The following SEMA4B variants were observed in gnomAD, a reference collection of about 807,000 sequenced individuals.
The protein encoded by SEMA4B is semaphorin 4B.
SEMA4B carries 55 observed loss-of-function variants against 88.1 expected under a neutral mutation model. The ratio of observed to expected loss-of-function variants is 0.62; its 90% CI spans 0.50 to 0.78. The LOEUF (loss-of-function observed/expected upper bound fraction) is 0.78, where lower values mean the gene tolerates loss of function less well. SEMA4B is among the 30% of genes least tolerant of loss of function. The pLI is 0.00. For synonymous variants in SEMA4B, 525 were observed against 473.6 expected (o/e 1.11, Z -1.41); for missense variants, 1,062 against 1,111.9 (o/e 0.96, Z 0.64).
At chr15:90,200,783 A>T (rs1763230403), upstream of SEMA4B, among the ~76,000 whole-genome samples, 1 of 152,210 alleles carries the variant, frequency 6.6e-6, no homozygotes, top group African/African-American at 2.4e-5. Context: ...TTAAGCGGAC[A>T]AGCCCGCAGG....
At chr15:90,220,561 G>A (rs548180419) in intron 4 of SEMA4B, among the ~76,000 whole-genome samples, 6 of 151,488 alleles carry the variant, frequency 4.0e-5, no homozygotes, top group Non-Finnish European at 7.4e-5. Context: ...GTAGAGAGGG[G>A]GGTTTCACCG....
rs191264512 is a variant in SEMA4B, at chr15:90,220,702, C to T, written c.484-280C>T. On this transcript the variant is annotated intron_variant, in intron 4 of 13. Transcript: ENST00000411539. ...ATCATTTTCTAAGCCTCACCTCCTC[C>T]GCCAGGTGGGTCTGATAATGTGTCC... is the stretch of plus-strand genomic sequence containing the variant. Among the ~76,000 whole-genome samples the T allele has an allele frequency of 4.0e-5, 6 of 151,568 alleles. No homozygotes were observed. The East Asian group carries it at 5.9e-4, about 15-fold the overall frequency.
intron 1 of SEMA4B, among the ~76,000 whole-genome samples, chr15:90,194,257 C>T (rs1015235347): frequency 1.3e-5 from 2 of 151,884 alleles, no homozygotes; most frequent in Admixed American, 1.3e-4. Context: ...TCAGGCCAGG[C>T]GTGGTGGCTC....
chr15:90,207,158 T>G (rs1961033062), intron 1 of SEMA4B, among the ~76,000 whole-genome samples: 2 of 152,144 alleles, frequency 1.3e-5, no homozygotes, highest in South Asian at 4.1e-4. Context: ...AGGTGGAGTG[T>G]TCTGTCCAGC....
chr15:90,185,268 C>T (rs1316581604), intron 1 of SEMA4B, among the ~76,000 whole-genome samples: 1 of 152,232 alleles, frequency 6.6e-6, no homozygotes, highest in East Asian at 1.9e-4. Flanking sequence ...AGCCTGTTGC[C>T]ATGGCAGCGC....
In SEMA4B at chr15:90,217,582, C is replaced by T. The variant is rs765072889; in HGVS notation, c.301C>T (p.Pro101Ser). Residue 101 changes from proline to serine, a missense_variant, in exon 2 of 14, where the codon CCA becomes TCA. Pro to Ser is a moderately conservative substitution (Grantham distance 74, BLOSUM62 -1). Transcript: ENST00000411539. ...ACTCAGTAGCAACCTCAGCTTCCTG[C>T]CAGGCGGGGAGTACCAGGAGGTGAG... ...FALSSNLSFL[P>S]GGEYQELLWG... is the part of the protein sequence containing the mutation. 6.2e-7 allele frequency: 1 copy of T among 1,613,768 alleles called. No individual in the cohort carries two copies. Among genetic ancestry groups the T allele is most frequent in the Non-Finnish European group, 8.5e-7 (1 of 1,179,768 alleles).
At chr15:90,194,973 T>C (rs151064842) in intron 1 of SEMA4B, among the ~76,000 whole-genome samples, 167 of 151,392 alleles carry the variant, frequency 1.1e-3, no homozygotes, top group South Asian at 1.9e-3. Context: ...TTATCATAGC[T>C]AAAAAAATGA....
At chr15:90,214,864 T>A in intron 1 of SEMA4B, 1 of 685,340 alleles carries the variant, frequency 1.5e-6, no homozygotes, top group Admixed American at 3.7e-5. Flanking sequence ...TTGGGTTTTC[T>A]CTGCTCCTGA....
intron 1 of SEMA4B, chr15:90,185,199 C>T: frequency 3.8e-6 from 2 of 523,308 alleles, no homozygotes; most frequent in Non-Finnish European, 4.9e-6. Context: ...CGCCCGGCCC[C>T]TCTCCCCAGA....
chr15:90,188,734 C>G (rs2151581714), intron 1 of SEMA4B, among the ~76,000 whole-genome samples: 1 of 152,216 alleles, frequency 6.6e-6, no homozygotes, highest in East Asian at 1.9e-4. Flanking sequence ...GTGGCGCTAT[C>G]TCGGCTCACT....
intron 1 of SEMA4B, among the ~76,000 whole-genome samples, chr15:90,189,608 G>A (rs1960285415): frequency 6.6e-6 from 1 of 152,098 alleles, no homozygotes; most frequent in African/African-American, 2.4e-5. Context: ...AATATTTCAT[G>A]TCAAGGTTAT....
chr15:90,199,437 G>C (rs1960621475), upstream of SEMA4B, among the ~76,000 whole-genome samples: 1 of 152,150 alleles, frequency 6.6e-6, no homozygotes, highest in African/African-American at 2.4e-5. Flanking sequence ...AATGGGGAAG[G>C]CTGTAGGTGG....
chr15:90,207,050 C>A, intron 1 of SEMA4B: 1 of 346,432 alleles, frequency 2.9e-6, no homozygotes, highest in Non-Finnish European at 5.4e-6. Flanking sequence ...ACCATCGACC[C>A]TCTTCTGGGC....
At chr15:90,195,791 G>A (rs1036303886) in intron 1 of SEMA4B, among the ~76,000 whole-genome samples, 1 of 148,902 alleles carries the variant, frequency 6.7e-6, no homozygotes, top group African/African-American at 2.5e-5. Context: ...TGTAATTTTT[G>A]TAGAGACGGA....
chr15:90,192,836 G>A (rs570280193), intron 1 of SEMA4B, among the ~76,000 whole-genome samples: 9 of 152,190 alleles, frequency 5.9e-5, no homozygotes, highest in Non-Finnish European at 8.8e-5. Flanking sequence ...TGATCCTCCC[G>A]CCTTGGCCTC....
chr15:90,206,536 G>A (rs1960997729), intron 1 of SEMA4B: 5 of 423,182 alleles, frequency 1.2e-5, no homozygotes, highest in Non-Finnish European at 1.7e-5. Context: ...GCTCAGTTGC[G>A]TTCAAGATTC....
chr15:90,197,707 G>A (rs1013626441), upstream of SEMA4B, among the ~76,000 whole-genome samples: 1 of 151,770 alleles, frequency 6.6e-6, no homozygotes, highest in South Asian at 2.1e-4. Flanking sequence ...AAAGTGCTGG[G>A]ATTACAGGCG....
intron 1 of SEMA4B, among the ~76,000 whole-genome samples, chr15:90,190,988 A>T (rs888955058): frequency 6.6e-6 from 1 of 152,174 alleles, no homozygotes; most frequent in African/African-American, 2.4e-5. Flanking sequence ...TATGTTGCCC[A>T]TCTGGTCTCC....
At position 90,201,674 on chromosome 15, in the gene SEMA4B, G is replaced by C; in HGVS notation, c.96G>C (p.Leu32=). 1 of 1,515,064 alleles carries C rather than the reference G, an allele frequency of 6.6e-7. No individual in the cohort carries two copies. Among genetic ancestry groups the C allele is most frequent in the Non-Finnish European group, 8.8e-7 (1 of 1,138,632 alleles). 93.9% of individuals were successfully genotyped at this position (1,515,064 alleles called of 1,614,324 possible). A position where few individuals can be genotyped will look rare whatever the true frequency, so the allele number is the denominator to read the frequency against. ...CGCTGCTGCTGCTCCTGCTGCTGCT[G>C]CTCCTGCTGCAGCCGCCGCCTCCGA... is the stretch of plus-strand genomic sequence containing the variant. ...RPPLLLLLLL[L]LLLQPPPPTW... The change falls in exon 1 of 14, where the codon CTG becomes CTC. Residue 32 remains leucine (L), a synonymous_variant. Coordinates refer to ENST00000411539, the MANE Select transcript of SEMA4B (RefSeq NM_198925.4).
Sources: gnomAD v4.1 joint callset for allele counts (sites outside exome capture counted in the v4.1 genomes callset) on GRCh38, gnomAD v4.1.1 for gene constraint, MANE v1.5 for transcripts, NCBI Gene and HGNC (gene_info 2026-07-23, HGNC 2026-07-21) for gene names.